Variants in SIRT3 observed in about 807,000 individuals in gnomAD.
The protein encoded by SIRT3 is NAD-dependent protein deacetylase sirtuin-3, mitochondrial.
SIRT3 carries 26 observed loss-of-function variants against 33.5 expected under a neutral mutation model. The observed-to-expected ratio is 0.78, with a 90% CI of 0.57 to 1.08. The LOEUF (loss-of-function observed/expected upper bound fraction) is 1.08, where lower values mean the gene tolerates loss of function less well. Ranked by LOEUF, SIRT3 falls within the 50% of genes least tolerant of loss-of-function variation. The pLI, the probability that SIRT3 is intolerant of heterozygous loss-of-function variation, is 0.00. For missense variants in SIRT3, 585 were observed against 530.1 expected (o/e 1.10, Z -1.02); for synonymous variants, 237 against 222.1 (o/e 1.07, Z -0.60).
intron 3 of SIRT3, among the ~76,000 whole-genome samples, chr11:232,563 G>T (rs2133932626): frequency 6.6e-6 from 1 of 152,308 alleles, no homozygotes; most frequent in East Asian, 1.9e-4. Flanking sequence ...GAGGACGCAG[G>T]AAGAACTGGC....
At chr11:229,302 G>A (rs7931225) in intron 4 of SIRT3, among the ~76,000 whole-genome samples, 24,184 of 149,894 alleles carry the variant, frequency 0.16, 2,462 homozygotes, top group Non-Finnish European at 0.22. Flanking sequence ...AAAATTAGCC[G>A]GGCGTGGTGG....
intron 6 of SIRT3, 155 bp downstream of exon 6, chr11:218,677 C>T (rs1855983810): frequency 3.7e-6 from 5 of 1,365,816 alleles, no homozygotes; most frequent in East Asian, 2.5e-5. Flanking sequence ...GAAAGTAACA[C>T]CCAGTCAGGT....
At chr11:233,645 T>C (rs946079867) in intron 1 of SIRT3, 111 bp from the exon 2 acceptor site, 18 of 968,712 alleles carry the variant, frequency 1.9e-5, no homozygotes, top group East Asian at 2.5e-5. Context: ...AGAATGAGCA[T>C]GTGTGTCTCC....
chr11:223,693 C>A lies in SIRT3; in HGVS notation c.969+385G>T. On this transcript the variant is annotated intron_variant, in intron 5 of 6. Coordinates refer to ENST00000382743, the MANE Select transcript of SIRT3 (RefSeq NM_012239.6). This position sits in a 1 kb window ranked among gnomAD's most constrained non-coding sequence, Gnocchi z 4.8. ...CCACCTCCAAAGCCCAGCAGCTTCCCACCTTCCTGTCTCCTGCACAGGCTG... is the reference window on the plus strand; with the variant it reads ...CCACCTCCAAAGCCCAGCAGCTTCCAACCTTCCTGTCTCCTGCACAGGCTG... The A allele has an allele frequency of 1.5e-6, 1 of 686,942 alleles. No individual in the cohort carries two copies. Among genetic ancestry groups the A allele is most frequent in the Non-Finnish European group, 2.6e-6 (1 of 382,464 alleles). The allele number at this position is 686,942 out of a possible 1,614,324, so 42.6% of individuals were successfully genotyped here. A position where few individuals can be genotyped will look rare whatever the true frequency, so the allele number is the denominator to read the frequency against.
Position 232,370 on chromosome 11 carries a change from C to T in SIRT3, c.706+613G>A, listed in dbSNP as rs560870404. On this transcript the variant is annotated intron_variant, in intron 3 of 6. Transcript: ENST00000382743. ...CCGACCTCAGGTGATCTACCTGCCT[C>T]GGCCTCCCAAAATGCTGGGATTACA... 5.3e-5 allele frequency among the ~76,000 whole-genome samples: 8 copies of T among 152,182 alleles called. No individual in the cohort carries two copies. In the East Asian group the frequency reaches 1.4e-3, roughly 26 times the overall value.
At chr11:226,866 G>A (rs1400898624) in intron 4 of SIRT3, among the ~76,000 whole-genome samples, 1 of 150,628 alleles carries the variant, frequency 6.6e-6, no homozygotes, top group Non-Finnish European at 1.5e-5. Flanking sequence ...CAATTCGCCT[G>A]CCTCAGCCTC....
Position 236,296 on chromosome 11 carries a change from G to T in SIRT3, c.33C>A (p.Ala11=). MAFWGWRAAA[A]LRLWGRVVER... ...CAACTACCCGGCCCCACAGCCGGAG[G>T]GCTGCCGCGGCGCGCCAACCCCAGA... Residue 11 remains alanine, a synonymous_variant, in exon 1 of 7, where the codon GCC becomes GCA. Transcript: ENST00000382743. 6.5e-7 allele frequency: 1 copy of T among 1,526,802 alleles called. No individual in the cohort carries two copies. Among genetic ancestry groups the T allele is most frequent in the Non-Finnish European group, 8.7e-7 (1 of 1,143,916 alleles). The allele number at this position is 1,526,802 out of a possible 1,614,324, so 94.6% of individuals were successfully genotyped here.
chr11:233,236 C>T (rs765446441), intron 2 of SIRT3, 21 bp from the exon 3 acceptor site: 3 of 1,609,424 alleles, frequency 1.9e-6, no homozygotes, highest in Non-Finnish European at 2.5e-6. Context: ...AGAAGAAAGG[C>T]TCTGAGGCCT....
chr11:235,123 G>A (rs760921883), intron 1 of SIRT3, among the ~76,000 whole-genome samples: 2 of 151,584 alleles, frequency 1.3e-5, no homozygotes, highest in Non-Finnish European at 2.9e-5. Context: ...TTATCCACCC[G>A]TCTCATCCTC....
Position 223,248 on chromosome 11 carries a change from C to T in SIRT3, c.969+830G>A. On this transcript the variant is annotated intron_variant, in intron 5 of 6. Transcript: ENST00000382743. The surrounding 1 kb of genome is among the most constrained non-coding windows in gnomAD (Gnocchi z 4.8). ...AACAGCTGCTTGAACACATCCAGGG[C>T]ATGTTTCCCGACACCTCAGACACAC... 1 of 167,838 alleles carries T rather than the reference C, an allele frequency of 6.0e-6. No homozygotes were observed. The highest frequency in any genetic ancestry group is 1.5e-4 in the South Asian group (1 of 6,652). 10.4% of individuals were successfully genotyped at this position (167,838 alleles called of 1,614,324 possible). A position where few individuals can be genotyped will look rare whatever the true frequency, so the allele number is the denominator to read the frequency against.
At chr11:229,964 A>G (rs1006445126) in intron 4 of SIRT3, among the ~76,000 whole-genome samples, 13 of 152,220 alleles carry the variant, frequency 8.5e-5, no homozygotes, top group Non-Finnish European at 1.6e-4. Context: ...ACATCAGTGG[A>G]ACATTTAGCC....
At chr11:222,693 C>T (rs1856601368) in intron 5 of SIRT3, 1 of 152,556 alleles carries the variant, frequency 6.6e-6, no homozygotes, top group African/African-American at 2.4e-5. Flanking sequence ...AAGCTGAACC[C>T]ATTCACCTTC....
chr11:227,577 G>C (rs531310851), intron 4 of SIRT3, among the ~76,000 whole-genome samples: 17 of 152,234 alleles, frequency 1.1e-4, no homozygotes, highest in African/African-American at 4.1e-4. Flanking sequence ...CAAAGGTGGG[G>C]AATTAACATC....
intron 4 of SIRT3, among the ~76,000 whole-genome samples, chr11:224,815 G>A (rs145765937): frequency 1.2e-4 from 19 of 152,072 alleles, no homozygotes; most frequent in East Asian, 5.8e-4. Context: ...TTCCCTTTGC[G>A]TCAAGATTAA....
intron 1 of SIRT3, among the ~76,000 whole-genome samples, chr11:235,237 GCT>G (rs1858817893): frequency 6.6e-6 from 1 of 151,400 alleles, no homozygotes; most frequent in Non-Finnish European, 1.5e-5. Flanking sequence ...TAAGAGTCTT[GCT>G]CTGTCACCCA....
intron 1 of SIRT3, among the ~76,000 whole-genome samples, chr11:234,899 CGGA>C: frequency 6.6e-6 from 1 of 151,600 alleles, no homozygotes; most frequent in African/African-American, 2.4e-5. Flanking sequence ...TTTTTTGAGA[CGGA>C]GTTTTTGCTC....
upstream of SIRT3, chr11:236,819 A>G (rs2133973879): frequency 1.7e-6 from 1 of 575,964 alleles, no homozygotes; most frequent in South Asian, 2.0e-5. Context: ...TTGACGCCTC[A>G]ATGGCACAGC....
chr11:236,434 T>G, upstream of SIRT3: 7 of 601,684 alleles, frequency 1.2e-5, no homozygotes, highest in Non-Finnish European at 1.2e-5. Context: ...CGCCTCCGCC[T>G]ACCGCCCCCG....
At chr11:227,216 G>T (rs1857301000) in intron 4 of SIRT3, among the ~76,000 whole-genome samples, 1 of 151,704 alleles carries the variant, frequency 6.6e-6, no homozygotes, top group East Asian at 2.0e-4. Context: ...GAGGCGGGTG[G>T]ATCATGAGGT....
Sources: allele counts gnomAD v4.1 joint callset (sites outside exome capture counted in the v4.1 genomes callset), GRCh38; gene constraint gnomAD v4.1.1; non-coding constraint Gnocchi (gnomAD v3.1); transcripts MANE v1.5; gene names NCBI Gene and HGNC (gene_info 2026-07-23, HGNC 2026-07-21).